The following HYCC1 variants were observed in gnomAD, a reference collection of about 807,000 sequenced individuals.
HYCC1 encodes hyccin PI4KA lipid kinase complex subunit 1, also known as hyccin.
At chr7:22,985,275 A>G in the HYCC1 span, among the ~76,000 whole-genome samples, 7 of 152,262 alleles carry the variant, frequency 4.6e-5, no homozygotes, top group African/African-American at 1.7e-4. Context: ...AAACAGCATA[A>G]ATTTTTACAA....
chr7:22,913,247 T>C, the HYCC1 span, among the ~76,000 whole-genome samples: 1 of 152,190 alleles, frequency 6.6e-6, no homozygotes, highest in Non-Finnish European at 1.5e-5. Context: ...TGCAGAGCAA[T>C]TTATGCCCCA....
chr7:22,915,104 G>C, the HYCC1 span, among the ~76,000 whole-genome samples: 4 of 152,072 alleles, frequency 2.6e-5, no homozygotes, highest in African/African-American at 9.7e-5. Context: ...TACCACCCCA[G>C]ACCCAGAGGG....
At chr7:22,999,218 CACAA>C in the HYCC1 span, among the ~76,000 whole-genome samples, 7 of 152,232 alleles carry the variant, frequency 4.6e-5, no homozygotes, top group South Asian at 2.1e-4. Flanking sequence ...ATAAAAATAT[CACAA>C]ACAAATTATT....
chr7:22,979,312 G>C, the HYCC1 span, among the ~76,000 whole-genome samples: 2 of 152,160 alleles, frequency 1.3e-5, no homozygotes, highest in African/African-American at 4.8e-5. Flanking sequence ...TAAACACTAA[G>C]TCAAACTAGT....
the HYCC1 span, chr7:22,976,808 G>A: frequency 6.3e-7 from 1 of 1,592,434 alleles, no homozygotes; most frequent in Non-Finnish European, 8.6e-7. Flanking sequence ...ATGCTGGAAG[G>A]CTAGAGAAAA....
the HYCC1 span, among the ~76,000 whole-genome samples, chr7:22,972,800 A>C: frequency 7.2e-5 from 11 of 152,212 alleles, no homozygotes; most frequent in Admixed American, 7.2e-4. Context: ...GCTGGCCATC[A>C]ATCAGTCTGA....
the HYCC1 span, among the ~76,000 whole-genome samples, chr7:22,995,980 T>C: frequency 1.3e-5 from 2 of 152,110 alleles, no homozygotes; most frequent in Non-Finnish European, 2.9e-5. Context: ...CTTTTAACTA[T>C]AAAAGTAAGA....
the HYCC1 span, among the ~76,000 whole-genome samples, chr7:22,908,952 T>A: frequency 6.6e-6 from 1 of 152,192 alleles, no homozygotes; most frequent in African/African-American, 2.4e-5. Context: ...ACTCTGTGCA[T>A]TAAGGCTCAG....
At chr7:22,921,639 C>A in the HYCC1 span, among the ~76,000 whole-genome samples, 2 of 152,046 alleles carry the variant, frequency 1.3e-5, no homozygotes, top group Non-Finnish European at 2.9e-5. Flanking sequence ...CCACACGGCT[C>A]CCCACACCCA....
At chr7:22,996,177 C>T in the HYCC1 span, among the ~76,000 whole-genome samples, 2 of 151,040 alleles carry the variant, frequency 1.3e-5, no homozygotes, top group Non-Finnish European at 2.9e-5. Context: ...CAGGTGATCC[C>T]AGGTACTTGG....
the HYCC1 span, chr7:22,977,571 T>C: frequency 3.5e-6 from 2 of 574,926 alleles, no homozygotes; most frequent in South Asian, 4.4e-5. Flanking sequence ...TAATCCATTA[T>C]TATTCATCAA....
the HYCC1 span, among the ~76,000 whole-genome samples, chr7:22,964,238 T>C: frequency 6.6e-6 from 1 of 152,156 alleles, no homozygotes; most frequent in Non-Finnish European, 1.5e-5. Context: ...TTAAAAGATA[T>C]GTTTTAAACT....
At chr7:22,911,019 G>C in the HYCC1 span, among the ~76,000 whole-genome samples, 3 of 152,108 alleles carry the variant, frequency 2.0e-5, no homozygotes, top group African/African-American at 7.2e-5. Flanking sequence ...TTGGGTTTTA[G>C]TATAAATGAA....
At chr7:22,944,450 TATC>T in the HYCC1 span, 16 of 152,170 alleles carry the variant, frequency 1.1e-4, no homozygotes, top group African/African-American at 3.9e-4. Context: ...ATTCTTTTGA[TATC>T]ATACTAAGAT....
chr7:22,947,159 G>C, the HYCC1 span: 1 of 1,550,140 alleles, frequency 6.5e-7, no homozygotes, highest in Non-Finnish European at 8.7e-7. Flanking sequence ...CCCCATTCCC[G>C]GTTCTCTCTC....
chr7:22,934,858 C>A, the HYCC1 span: 1 of 152,306 alleles, frequency 6.6e-6, no homozygotes, highest in East Asian at 1.9e-4. Flanking sequence ...GTGATAGAGG[C>A]ACCCTCTGCC....
chr7:23,002,136 GTATATATATATATATATATATA>G, the HYCC1 span, among the ~76,000 whole-genome samples: 3 of 76,614 alleles, frequency 3.9e-5, no homozygotes, highest in Non-Finnish European at 7.0e-5. Flanking sequence ...GGTAAAAATT[GTATATATATATATATATATATA>G]TATATATATA....
the HYCC1 span, chr7:22,941,879 C>G: frequency 1.3e-5 from 2 of 152,086 alleles, no homozygotes; most frequent in African/African-American, 4.8e-5. Context: ...TGGGAGGACA[C>G]TATTATACAT....
chr7:22,936,228 A>G, the HYCC1 span: 1 of 152,078 alleles, frequency 6.6e-6, no homozygotes, highest in African/African-American at 2.4e-5. Context: ...TTGTCTCTCC[A>G]TGAAAGAAAA....
Sources: allele counts gnomAD v4.1 joint callset (sites outside exome capture counted in the v4.1 genomes callset), GRCh38; gene constraint gnomAD v4.1.1; transcripts MANE v1.5; gene names NCBI Gene and HGNC (gene_info 2026-07-23, HGNC 2026-07-21).